The following ENOX1 variants were observed in gnomAD, a reference collection of about 807,000 sequenced individuals.
ENOX1 encodes the protein candidate growth-related and time keeping constitutive hydroquinone (NADH) oxidase.
ENOX1 carries 42 observed loss-of-function variants against 82.5 expected under a neutral mutation model. The ratio of observed to expected loss-of-function variants is 0.51; its 90% CI spans 0.40 to 0.66. The LOEUF is 0.66. Among genes scored for constraint, ENOX1 ranks in the 30% least tolerant of loss-of-function variants. The probability of loss-of-function intolerance (pLI) is 0.00; values close to 1 mark genes in which losing one functional copy is unlikely to be tolerated. For missense variants in ENOX1, 608 were observed against 811.6 expected (o/e 0.75, Z 3.05); for synonymous variants, 271 against 282.2 (o/e 0.96, Z 0.40).
intron 15 of ENOX1, among the ~76,000 whole-genome samples, chr13:43,227,028 TCTC>T (rs976943420): frequency 5.9e-5 from 9 of 151,742 alleles, no homozygotes; most frequent in African/African-American, 2.2e-4. Context: ...GCCTTCAACA[TCTC>T]CTGCATAACC....
intron 3 of ENOX1, among the ~76,000 whole-genome samples, chr13:43,443,129 C>T (rs2153624222): frequency 6.6e-6 from 1 of 152,074 alleles, no homozygotes; most frequent in South Asian, 2.1e-4. Context: ...TAAACAGCTC[C>T]CTTAGTGCAT....
chr13:43,400,527 T>C (rs1033641426), intron 5 of ENOX1, among the ~76,000 whole-genome samples: 2 of 152,224 alleles, frequency 1.3e-5, no homozygotes, highest in African/African-American at 2.4e-5. Context: ...TTCTCTCCCA[T>C]ACTGATGATC....
intron 1 of ENOX1, among the ~76,000 whole-genome samples, chr13:43,715,054 G>T (rs1386088449): frequency 3.3e-5 from 5 of 152,220 alleles, no homozygotes; most frequent in Admixed American, 6.5e-5. Context: ...GGTACCGGTT[G>T]TTCCTTTCCA....
intron 3 of ENOX1, among the ~76,000 whole-genome samples, chr13:43,469,236 T>C (rs987935871): frequency 3.9e-5 from 6 of 152,192 alleles, no homozygotes; most frequent in Non-Finnish European, 8.8e-5. Context: ...TGTTTTTCTT[T>C]TATTCTATTA....
At chr13:43,781,065 T>C (rs1420273052) in intron 1 of ENOX1, among the ~76,000 whole-genome samples, 1 of 152,238 alleles carries the variant, frequency 6.6e-6, no homozygotes, top group African/African-American at 2.4e-5. Context: ...GATGGCTGTA[T>C]TTGTGGAAAA....
chr13:43,318,941 C>A (rs528089390), intron 11 of ENOX1, among the ~76,000 whole-genome samples: 2 of 151,970 alleles, frequency 1.3e-5, no homozygotes, highest in African/African-American at 2.4e-5. Flanking sequence ...TTCTTGCGAA[C>A]GCTATCCCGC....
At chr13:43,540,613 A>G (rs2078663643) in intron 2 of ENOX1, among the ~76,000 whole-genome samples, 1 of 152,140 alleles carries the variant, frequency 6.6e-6, no homozygotes, top group Non-Finnish European at 1.5e-5. Flanking sequence ...TGTGGTGAGA[A>G]GTGGTGAGAC....
intron 3 of ENOX1, among the ~76,000 whole-genome samples, chr13:43,450,227 A>ACAGGG (rs2056887260): frequency 6.6e-6 from 1 of 152,202 alleles, no homozygotes; most frequent in Non-Finnish European, 1.5e-5. Flanking sequence ...GTCCCCTGCC[A>ACAGGG]GAAAATCTGG....
chr13:43,491,714 C>T (rs1335936102), intron 2 of ENOX1, among the ~76,000 whole-genome samples: 1 of 152,142 alleles, frequency 6.6e-6, no homozygotes, highest in Non-Finnish European at 1.5e-5. Flanking sequence ...TTGCAGTGAG[C>T]TAACACCACT....
intron 2 of ENOX1, among the ~76,000 whole-genome samples, chr13:43,569,409 T>C (rs781595355): frequency 1.3e-5 from 2 of 152,208 alleles, no homozygotes; most frequent in African/African-American, 2.4e-5. Context: ...TTAATCAATT[T>C]GCTGGTTATT....
intron 11 of ENOX1, among the ~76,000 whole-genome samples, chr13:43,313,028 A>G (rs1189642406): frequency 2.0e-5 from 3 of 152,200 alleles, no homozygotes; most frequent in African/African-American, 7.2e-5. Context: ...ACTGACTCTT[A>G]TGGTATCACT....
intron 1 of ENOX1, among the ~76,000 whole-genome samples, chr13:43,733,860 A>G (rs949284628): frequency 6.6e-6 from 1 of 152,132 alleles, no homozygotes; most frequent in Admixed American, 6.5e-5. Flanking sequence ...ATGACTGGTA[A>G]ACCTATAAGA....
intron 15 of ENOX1, among the ~76,000 whole-genome samples, chr13:43,235,526 A>G (rs796404267): frequency 2.1e-4 from 32 of 152,262 alleles, no homozygotes; most frequent in African/African-American, 7.7e-4. Flanking sequence ...TGAGGTCAGG[A>G]GTTTGAGACC....
At chr13:43,416,377 C>T (rs1439529250) in intron 3 of ENOX1, among the ~76,000 whole-genome samples, 7 of 146,954 alleles carry the variant, frequency 4.8e-5, no homozygotes, top group Non-Finnish European at 7.6e-5. Flanking sequence ...GCGCTCCTCA[C>T]ATCCCAGACG....
At chr13:43,779,021 C>T (rs1952085928) in intron 1 of ENOX1, among the ~76,000 whole-genome samples, 1 of 152,094 alleles carries the variant, frequency 6.6e-6, no homozygotes, top group African/African-American at 2.4e-5. Context: ...CTGAGCAGTG[C>T]CACTTCCTAG....
At chr13:43,559,737 G>A (rs1217321105) in intron 2 of ENOX1, among the ~76,000 whole-genome samples, 1 of 152,142 alleles carries the variant, frequency 6.6e-6, no homozygotes, top group Non-Finnish European at 1.5e-5. Context: ...AAGAAGGTTA[G>A]CAAGATGTGT....
At chr13:43,237,774 T>C (rs759684950) in intron 14 of ENOX1, among the ~76,000 whole-genome samples, 32 of 152,158 alleles carry the variant, frequency 2.1e-4, no homozygotes, top group Non-Finnish European at 4.4e-4. Flanking sequence ...ATGCCGAGCC[T>C]GCAAAAAGTG....
At chr13:43,482,120 T>C (rs556715253) in intron 3 of ENOX1, among the ~76,000 whole-genome samples, 2 of 152,228 alleles carry the variant, frequency 1.3e-5, no homozygotes, top group African/African-American at 4.8e-5. Flanking sequence ...TACCATATGA[T>C]CCAGCAATTT....
chr13:43,409,595 A>C (rs2053998213), intron 5 of ENOX1, among the ~76,000 whole-genome samples: 1 of 152,226 alleles, frequency 6.6e-6, no homozygotes, highest in South Asian at 2.1e-4. Flanking sequence ...GCTCAGGGAG[A>C]CTAAGTTCTT....
Sources: allele counts gnomAD v4.1 joint callset (sites outside exome capture counted in the v4.1 genomes callset), GRCh38; gene constraint gnomAD v4.1.1; transcripts MANE v1.5; gene names NCBI Gene and HGNC (gene_info 2026-07-23, HGNC 2026-07-21).